FAM98A: variants seen among roughly 807,000 people sequenced by gnomAD.
FAM98A encodes protein FAM98A.
In FAM98A, 25 loss-of-function variants were observed where a neutral mutation model predicts 62.9. That is an observed-to-expected ratio of 0.40 (90% CI 0.29 to 0.56). The LOEUF is 0.56. Ranked by LOEUF, FAM98A falls within the 20% of genes least tolerant of loss-of-function variation. The probability of loss-of-function intolerance (pLI) is 0.51; values close to 1 mark genes in which losing one functional copy is unlikely to be tolerated. For missense variants in FAM98A, 653 were observed against 640.7 expected (o/e 1.02, Z -0.21); for synonymous variants, 252 against 228.6 (o/e 1.10, Z -0.92).
At chr2:33,593,953 A>G in intron 2 of FAM98A, among the ~76,000 whole-genome samples, 1 of 152,204 alleles carries the variant, frequency 6.6e-6, no homozygotes, top group East Asian at 1.9e-4. Flanking sequence ...ACATCTGGTC[A>G]AGAGGCAGTA....
intron 6 of FAM98A, 46 bp from the exon 7 acceptor site, chr2:33,585,743 G>C (rs747621247): frequency 6.5e-7 from 1 of 1,545,486 alleles, no homozygotes; most frequent in African/African-American, 1.4e-5. Flanking sequence ...TTTTCAAAAT[G>C]ACATAAGAAA....
intron 2 of FAM98A, 129 bp downstream of exon 2, chr2:33,595,360 T>C (rs1558550805): frequency 1.4e-6 from 1 of 710,908 alleles, no homozygotes; most frequent in African/African-American, 1.9e-5. Context: ...AAAAAAAATC[T>C]TGGCTTCTTT....
chr2:33,596,321 G>A (rs938653717), intron 1 of FAM98A, among the ~76,000 whole-genome samples: 1 of 152,092 alleles, frequency 6.6e-6, no homozygotes, highest in Non-Finnish European at 1.5e-5. Context: ...CCAAAGAAAC[G>A]TCAGGTTAGG....
rs12993093 is a variant in FAM98A at position 33,594,664 on chromosome 2, T to C, written c.202+825A>G. On this transcript the variant is annotated intron_variant, in intron 2 of 7. Transcript: ENST00000238823. ...ACATATATATATACACACATATATATACACATATATATATACACACATATA... is the reference window on the plus strand; with the variant it reads ...ACATATATATATACACACATATATACACACATATATATATACACACATATA... Among the ~76,000 whole-genome samples the C allele has an allele frequency of 4.1e-3, 438 of 106,850 alleles. 125 individuals are homozygous for C. The highest frequency in any genetic ancestry group is 0.021 in the African/African-American group (424 of 20,674). The allele number at this position is 106,850 out of a possible 152,430, so 70.1% of individuals were successfully genotyped here. A position where few individuals can be genotyped will look rare whatever the true frequency, so the allele number is the denominator to read the frequency against.
At position 33,585,277 on chromosome 2, in the gene FAM98A, T is replaced by C. The variant is rs772371802; in HGVS notation, c.1056A>G (p.Gly352=). Residue 352 remains glycine, a synonymous_variant, in exon 8 of 8, where the codon GGA becomes GGG. Coordinates refer to ENST00000238823, the MANE Select transcript of FAM98A (RefSeq NM_015475.5). The part of the protein sequence containing the change: ...GYEHSSYGGR[G]GHEQGGGRGG... ...CTCTCCCGCCTCCTTGTTCATGACC[T>C]CCTCGTCCTCCGTATGAGGAATGTT... 6.2e-7 allele frequency: 1 copy of C among 1,614,012 alleles called. No homozygotes were observed. Among genetic ancestry groups the C allele is most frequent in the African/African-American group, 1.3e-5 (1 of 74,972 alleles).
At position 33,584,286 on chromosome 2, in the gene FAM98A, A is replaced by T. The variant is rs1228233818; in HGVS notation, c.*490T>A. On this transcript the variant is annotated 3_prime_UTR_variant, in exon 8 of 8. Coordinates refer to ENST00000238823, the MANE Select transcript of FAM98A (RefSeq NM_015475.5). Reference sequence around the variant, plus strand: ...TCCATCATGAAGCACACGTGGCATAAAAGTCAACCGGGGGGCAGAACTGTG... The same window carrying T: ...TCCATCATGAAGCACACGTGGCATATAAGTCAACCGGGGGGCAGAACTGTG... 1.3e-5 allele frequency: 2 copies of T among 157,240 alleles called. No individual in the cohort carries two copies. The highest frequency in any genetic ancestry group is 2.8e-5 in the Non-Finnish European group (2 of 70,834). 9.7% of individuals were successfully genotyped at this position (157,240 alleles called of 1,614,324 possible). A position where few individuals can be genotyped will look rare whatever the true frequency, so the allele number is the denominator to read the frequency against.
chr2:33,585,519 A>G lies in FAM98A; in HGVS notation c.888+11T>C. On this transcript the variant is annotated intron_variant, in intron 7 of 7. Coordinates refer to ENST00000238823, the MANE Select transcript of FAM98A (RefSeq NM_015475.5). Reference sequence around the variant, plus strand: ...AATGCATTTGGAAAAAATTAAAGGTACTCTAATCACCTTATTGATGGCACA... The same window carrying G: ...AATGCATTTGGAAAAAATTAAAGGTGCTCTAATCACCTTATTGATGGCACA... 1 of 1,614,006 alleles carries G rather than the reference A, an allele frequency of 6.2e-7. No homozygotes were observed. The highest frequency in any genetic ancestry group is 8.5e-7 in the Non-Finnish European group (1 of 1,179,928).
chr2:33,586,594 C>T lies in FAM98A; in HGVS notation c.688G>A (p.Val230Ile). 1.2e-6 allele frequency: 2 copies of T among 1,612,680 alleles called. No homozygotes were observed. Among genetic ancestry groups the T allele is most frequent in the Non-Finnish European group, 1.7e-6 (2 of 1,178,694 alleles). The change falls in exon 6 of 8, where the codon GTA becomes ATA. Residue 230 changes from valine to isoleucine, a missense_variant. Physicochemically the swap from Val to Ile is conservative, Grantham distance 29. Transcript: ENST00000238823. ...CTGTCAGACCAGCCAAAGGATTGTA[C>T]AGTGACATCCAAACGTTTTATTAGC... Reference protein sequence around the residue: ...KLLIKRLDVTVQSFGWSDRAK... With the variant: ...KLLIKRLDVTIQSFGWSDRAK...
In FAM98A at chr2:33,599,166, TAC is replaced by T; in HGVS notation, c.53+1_53+2del. On this transcript the variant is annotated splice_donor_variant, in intron 1 of 7. Transcript: ENST00000238823. LOFTEE classifies it high-confidence loss of function. ...TGGGAGACCCGTGCCCTGACAATCTTACCCTAGATCTTCCAACGACTCCAAGA... is the reference window on the plus strand; with the variant it reads ...TGGGAGACCCGTGCCCTGACAATCTTCCTAGATCTTCCAACGACTCCAAGA... 6.2e-7 allele frequency: 1 copy of T among 1,613,092 alleles called. No individual in the cohort carries two copies. Among genetic ancestry groups the T allele is most frequent in the Non-Finnish European group, 8.5e-7 (1 of 1,179,162 alleles).
In FAM98A at chr2:33,585,426, G is replaced by A. The variant is rs929970862; in HGVS notation, c.907C>T (p.Pro303Ser). Reference protein sequence around the residue: ...AINKVLMGRVPDRGGRPNEIE... With the variant: ...AINKVLMGRVSDRGGRPNEIE... ...TCATTGGGTCTACCACCTCTGTCAG[G>A]CACCCTGCCCATCAACACCTACAGA... The change falls in exon 8 of 8, where the codon CCT becomes TCT. Residue 303 changes from proline (P) to serine (S), a missense_variant. Coordinates refer to ENST00000238823, the MANE Select transcript of FAM98A (RefSeq NM_015475.5). The A allele has an allele frequency of 6.2e-7, 1 of 1,614,052 alleles. No individual in the cohort carries two copies. Among genetic ancestry groups the A allele is most frequent in the Middle Eastern group, 1.6e-4 (1 of 6,062 alleles).
At chr2:33,589,672 T>G (rs543724978) in intron 3 of FAM98A, 5 of 152,294 alleles carry the variant, frequency 3.3e-5, no homozygotes, top group African/African-American at 1.2e-4. Flanking sequence ...AATCTTAACA[T>G]GTTCCATACA....
chr2:33,590,039 C>A (rs187346985), intron 3 of FAM98A, among the ~76,000 whole-genome samples: 3 of 152,006 alleles, frequency 2.0e-5, no homozygotes, highest in Non-Finnish European at 4.4e-5. Flanking sequence ...AAACTTTAAT[C>A]GTAATCAGTA....
At chr2:33,594,170 G>GTT (rs1382522679) in intron 2 of FAM98A, among the ~76,000 whole-genome samples, 3 of 152,136 alleles carry the variant, frequency 2.0e-5, no homozygotes, top group Non-Finnish European at 4.4e-5. Context: ...TTAGAACATA[G>GTT]TGAGTACACA....
At chr2:33,587,068 A>C (rs1462754905) in intron 5 of FAM98A, among the ~76,000 whole-genome samples, 172 bp downstream of exon 5, 3 of 152,240 alleles carry the variant, frequency 2.0e-5, no homozygotes, top group Non-Finnish European at 4.4e-5. Flanking sequence ...TCTTACACAA[A>C]TAAAAATATT....
At chr2:33,599,103 C>A in intron 1 of FAM98A, 66 bp downstream of exon 1, 13 of 1,337,330 alleles carry the variant, frequency 9.7e-6, no homozygotes, top group Non-Finnish European at 1.4e-5. Context: ...CAGACTGGGG[C>A]GCAGGAGGTG....
chr2:33,592,279 T>C, intron 2 of FAM98A, 65 bp from the exon 3 acceptor site: 2 of 1,263,604 alleles, frequency 1.6e-6, no homozygotes, highest in Non-Finnish European at 2.2e-6. Context: ...ATAACAATTA[T>C]TATATATAAT....
At position 33,587,247 on chromosome 2, in the gene FAM98A, G is replaced by T; in HGVS notation, c.596C>A (p.Ala199Asp). Reference sequence around the variant, plus strand: ...AAGATGATTACTACTCACCCAGTGGGCTGGTCCCATTGGCTTCTTCAGTAA... The same window carrying T: ...AAGATGATTACTACTCACCCAGTGGTCTGGTCCCATTGGCTTCTTCAGTAA... ...KPLLKKPMGPAHWEKIEAINQ... is the reference protein window; with the variant it reads ...KPLLKKPMGPDHWEKIEAINQ... Residue 199 changes from alanine (A) to aspartate (D), a missense_variant, in exon 5 of 8, where the codon GCC becomes GAC. Ala to Asp is a moderately radical substitution (Grantham distance 126, BLOSUM62 -2). Transcript: ENST00000238823. 1.2e-6 allele frequency: 2 copies of T among 1,604,630 alleles called. No homozygotes were observed. Among genetic ancestry groups the T allele is most frequent in the Non-Finnish European group, 1.7e-6 (2 of 1,171,420 alleles).
At chr2:33,586,704 T>TA (rs747032069) in intron 5 of FAM98A, 26 bp from the exon 6 acceptor site, 32 of 1,462,754 alleles carry the variant, frequency 2.2e-5, no homozygotes, top group Non-Finnish European at 2.8e-5. Flanking sequence ...AAAGACTAGT[T>TA]AGAGTTTAAA....
In FAM98A at chr2:33,585,633, G is replaced by C. The variant is rs1470922365; in HGVS notation, c.785C>G (p.Thr262Ser). The change falls in exon 7 of 8, where the codon ACT (threonine) becomes AGT (serine). Residue 262 changes from threonine (T) to serine (S), a missense_variant. Physicochemically the swap from Thr to Ser is moderately conservative, Grantham distance 58. Coordinates refer to ENST00000238823, the MANE Select transcript of FAM98A (RefSeq NM_015475.5). ...AGCCAAAAGATGGGCAACAGAAATA[G>C]TAGTTTTAGGGGATAAGACTGAACG... ...PKRSVLSPKTTISVAHLLAAR... is the reference protein window; with the variant it reads ...PKRSVLSPKTSISVAHLLAAR... 1 of 1,614,178 alleles carries C rather than the reference G, an allele frequency of 6.2e-7. No individual in the cohort carries two copies.
Sources: allele counts gnomAD v4.1 joint callset (sites outside exome capture counted in the v4.1 genomes callset), GRCh38; gene constraint gnomAD v4.1.1; transcripts MANE v1.5; gene names NCBI Gene and HGNC (gene_info 2026-07-23, HGNC 2026-07-21).